The following ARHGAP5 variants were observed in gnomAD, a reference collection of about 807,000 sequenced individuals.
The protein encoded by ARHGAP5 is Rho GTPase activating protein 5, also known as rho GTPase-activating protein 5.
Under a neutral mutation model 116.6 loss-of-function variants are expected in ARHGAP5, and 23 were observed. That is an observed-to-expected ratio of 0.20 (90% CI 0.14 to 0.28). The LOEUF (loss-of-function observed/expected upper bound fraction) is 0.28, where lower values mean the gene tolerates loss of function less well. ARHGAP5 is among the 10% of genes least tolerant of loss of function. The pLI is 1.00. For missense variants in ARHGAP5, 1,405 were observed against 1,774.8 expected (o/e 0.79, Z 3.74); for synonymous variants, 574 against 602.0 (o/e 0.95, Z 0.68).
intron 2 of ARHGAP5, among the ~76,000 whole-genome samples, chr14:32,110,209 T>TAA (rs563872548): frequency 0.029 from 3,309 of 113,918 alleles, 79 homozygotes; most frequent in African/African-American, 0.076. Flanking sequence ...GCTGGGGAGA[T>TAA]AAAAAAAAAA....
intron 3 of ARHGAP5, among the ~76,000 whole-genome samples, chr14:32,128,630 C>T (rs79824139): frequency 0.026 from 4,035 of 152,310 alleles, 88 homozygotes; most frequent in Non-Finnish European, 0.04. Context: ...CCTGGCCGCC[C>T]GGCAGGCAGC....
chr14:32,109,383 C>T (rs1879176984), intron 2 of ARHGAP5, among the ~76,000 whole-genome samples: 1 of 152,042 alleles, frequency 6.6e-6, no homozygotes, highest in Non-Finnish European at 1.5e-5. Context: ...AGTTTACCAT[C>T]TTTATTCCAC....
Position 32,135,483 on chromosome 14 carries a change from C to T in ARHGAP5, c.3866-10780C>T, listed in dbSNP as rs573375539. On this transcript the variant is annotated intron_variant, in intron 3 of 6. Coordinates refer to ENST00000345122, the MANE Select transcript of ARHGAP5 (RefSeq NM_001030055.2). The stretch of plus-strand genomic sequence containing the variant: ...TGTTGCCCAGGCAAGAGCACAGTGG[C>T]GTGATCTAGCCTCACTGCAACCTCT... 7.9e-5 allele frequency among the ~76,000 whole-genome samples: 12 copies of T among 152,296 alleles called. No individual in the cohort carries two copies. The East Asian group carries it at 1.2e-3, about 15-fold the overall frequency.
Position 32,092,240 on chromosome 14 carries a change from A to G in ARHGAP5, c.1571A>G (p.Glu524Gly). 6.2e-7 allele frequency: 1 copy of G among 1,613,318 alleles called. No individual in the cohort carries two copies. Among genetic ancestry groups the G allele is most frequent in the Non-Finnish European group, 8.5e-7 (1 of 1,179,624 alleles). The change falls in exon 2 of 7, where the codon GAA becomes GGA. Residue 524 changes from glutamate to glycine, a missense_variant. By Grantham distance (98) the Glu-to-Gly change is moderately conservative. Around this residue, in one of 6 missense-constraint regions of ARHGAP5, gnomAD observed 944 missense variants for 1,095.3 expected, o/e 0.86. Transcript: ENST00000345122. The surrounding 1 kb of genome is among the most constrained non-coding windows in gnomAD (Gnocchi z 4.1). ...KMSEIHTVLS[E>G]EPRYKALQKL... ...AGTGAAATTCATACAGTTCTGAGTGAAGAACCTAGATATAAAGCTTTACAG... is the reference window on the plus strand; with the variant it reads ...AGTGAAATTCATACAGTTCTGAGTGGAGAACCTAGATATAAAGCTTTACAG...
intron 3 of ARHGAP5, among the ~76,000 whole-genome samples, chr14:32,118,391 G>T (rs1879712335): frequency 6.6e-6 from 1 of 152,018 alleles, no homozygotes; most frequent in Admixed American, 6.6e-5. Flanking sequence ...CAGCTACTTG[G>T]GAGGCTGAGG....
rs1257818764 is a variant in ARHGAP5, at chr14:32,117,205, G to A, written c.3783G>A (p.Gly1261=). Residue 1261 remains glycine (G), a synonymous_variant, in exon 3 of 7, where the codon GGG becomes GGA. Coordinates refer to ENST00000345122, the MANE Select transcript of ARHGAP5 (RefSeq NM_001030055.2). ...GAAATTGGGAAAGTAATTACTTTGG[G>A]ATGCCCCTCCAGGATCTGGTTACAG... is the stretch of plus-strand genomic sequence containing the variant. The part of the protein sequence containing the change: ...TRRNWESNYF[G]MPLQDLVTAE... 6.2e-7 allele frequency: 1 copy of A among 1,612,398 alleles called. No individual in the cohort carries two copies. Among genetic ancestry groups the A allele is most frequent in the East Asian group, 2.2e-5 (1 of 44,814 alleles).
chr14:32,149,017 T>A (rs1341277368), intron 4 of ARHGAP5, among the ~76,000 whole-genome samples: 1 of 152,176 alleles, frequency 6.6e-6, no homozygotes, highest in African/African-American at 2.4e-5. Flanking sequence ...TATTCAAAAT[T>A]CTTGGGGCCC....
Position 32,157,757 on chromosome 14 carries a change from C to CA in ARHGAP5, c.*2814dup, listed in dbSNP as rs961358700. The CA allele has an allele frequency of 6.6e-6, 1 of 150,914 alleles. No individual in the cohort carries two copies. Among genetic ancestry groups the CA allele is most frequent in the Non-Finnish European group, 1.5e-5 (1 of 67,532 alleles). The allele number at this position is 150,914 out of a possible 1,614,324, so 9.3% of individuals were successfully genotyped here. A position where few individuals can be genotyped will look rare whatever the true frequency, so the allele number is the denominator to read the frequency against. On this transcript the variant is annotated 3_prime_UTR_variant, in exon 7 of 7. Coordinates refer to ENST00000345122, the MANE Select transcript of ARHGAP5 (RefSeq NM_001030055.2). ...GCAGGTAACCGCAATCTAAGTTAGC[C>CA]AAAAAGCAGCTTTTTTTCCCATACT...
At chr14:32,115,469 C>G (rs1189000247) in intron 2 of ARHGAP5, among the ~76,000 whole-genome samples, 8 of 151,936 alleles carry the variant, frequency 5.3e-5, no homozygotes, top group Non-Finnish European at 8.8e-5. Context: ...GGAGACTATC[C>G]TGGCCAACAC....
At chr14:32,132,968 A>G (rs1208256342) in intron 3 of ARHGAP5, among the ~76,000 whole-genome samples, 2 of 152,180 alleles carry the variant, frequency 1.3e-5, no homozygotes, top group Non-Finnish European at 2.9e-5. Context: ...TACCAGTACC[A>G]TGCTGTTTTG....
intron 4 of ARHGAP5, among the ~76,000 whole-genome samples, chr14:32,148,416 A>G (rs982733515): frequency 8.5e-5 from 13 of 152,200 alleles, no homozygotes; most frequent in African/African-American, 3.1e-4. Flanking sequence ...CAATTTCTTC[A>G]TGTCTAGTAT....
chr14:32,151,264 A>G (rs1271703593), intron 5 of ARHGAP5, among the ~76,000 whole-genome samples: 1 of 152,214 alleles, frequency 6.6e-6, no homozygotes, highest in Non-Finnish European at 1.5e-5. Flanking sequence ...GTTGTTAGTA[A>G]TTGGTTATGC....
intron 6 of ARHGAP5, among the ~76,000 whole-genome samples, chr14:32,153,149 T>G (rs558711715): frequency 6.6e-6 from 1 of 151,154 alleles, no homozygotes; most frequent in East Asian, 2.0e-4. Context: ...TAAAGCTTAC[T>G]TTTTACTAGC....
At chr14:32,089,781 A>G (rs2041866176) in intron 1 of ARHGAP5, among the ~76,000 whole-genome samples, 1 of 151,896 alleles carries the variant, frequency 6.6e-6, no homozygotes, top group South Asian at 2.1e-4. Flanking sequence ...CTTCGATGTA[A>G]AAATAAATTT....
chr14:32,155,076 G>T lies in ARHGAP5; in HGVS notation c.*128G>T. 1.3e-6 allele frequency: 1 copy of T among 777,258 alleles called. No individual in the cohort carries two copies. Among genetic ancestry groups the T allele is most frequent in the Non-Finnish European group, 2.0e-6 (1 of 499,352 alleles). 48.1% of individuals were successfully genotyped at this position (777,258 alleles called of 1,614,324 possible). A position where few individuals can be genotyped will look rare whatever the true frequency, so the allele number is the denominator to read the frequency against. ...ACATTCAAAATTACATTTTCTCTTT[G>T]AACTAGATGGTATTCCTTATTCACT... On this transcript the variant is annotated 3_prime_UTR_variant, in exon 7 of 7. Transcript: ENST00000345122.
intron 3 of ARHGAP5, among the ~76,000 whole-genome samples, chr14:32,142,103 A>G (rs765003990): frequency 6.6e-6 from 1 of 151,984 alleles, no homozygotes; most frequent in South Asian, 2.1e-4. Context: ...GCGTCTTTTT[A>G]TAATTTCTGT....
chr14:32,079,741 A>G (rs116496724), intron 1 of ARHGAP5, among the ~76,000 whole-genome samples: 4,799 of 152,288 alleles, frequency 0.032, 234 homozygotes, highest in African/African-American at 0.11. Context: ...CTTCTTAAAT[A>G]TGAAATGGCA....
chr14:32,108,195 A>G (rs545725346), intron 2 of ARHGAP5, among the ~76,000 whole-genome samples: 2 of 152,352 alleles, frequency 1.3e-5, no homozygotes, highest in East Asian at 1.9e-4. Context: ...GGAAAAGTAG[A>G]GACAATGGAT....
chr14:32,100,118 G>C (rs1328793342), intron 2 of ARHGAP5, among the ~76,000 whole-genome samples: 5 of 152,146 alleles, frequency 3.3e-5, no homozygotes, highest in Non-Finnish European at 4.4e-5. Flanking sequence ...CTGTATCCGT[G>C]AGTTTCACAT....
Sources: gnomAD v4.1 joint callset for allele counts (sites outside exome capture counted in the v4.1 genomes callset) on GRCh38, gnomAD v4.1.1 for gene constraint, gnomAD v4.1.1 regional missense constraint, Gnocchi (gnomAD v3.1) non-coding constraint, MANE v1.5 for transcripts, NCBI Gene and HGNC (gene_info 2026-07-23, HGNC 2026-07-21) for gene names.